The following DRD3 variants were observed in gnomAD, a reference collection of about 807,000 sequenced individuals.
DRD3 encodes dopamine receptor D3.
A neutral mutation model predicts 36.3 loss-of-function variants in DRD3; 19 were observed. The observed-to-expected ratio is 0.52, with a 90% CI of 0.36 to 0.77. The LOEUF (loss-of-function observed/expected upper bound fraction) is 0.77, where lower values mean the gene tolerates loss of function less well. DRD3 is among the 30% of genes least tolerant of loss of function. The probability of loss-of-function intolerance (pLI) is 0.00; values close to 1 mark genes in which losing one functional copy is unlikely to be tolerated. For missense variants in DRD3, 465 were observed against 505.3 expected (o/e 0.92, Z 0.77); for synonymous variants, 195 against 203.7 (o/e 0.96, Z 0.36).
chr3:114,171,416 A>G (rs977522177), intron 2 of DRD3, among the ~76,000 whole-genome samples: 2 of 152,132 alleles, frequency 1.3e-5, no homozygotes, highest in African/African-American at 4.8e-5. Context: ...TCATTGAGAC[A>G]TGTCTGGCAC....
intron 1 of DRD3, among the ~76,000 whole-genome samples, chr3:114,189,502 A>G (rs2077992772): frequency 1.3e-5 from 2 of 152,228 alleles, no homozygotes; most frequent in Admixed American, 1.3e-4. Context: ...CCATGATTTT[A>G]TGAATTCTAA....
intron 1 of DRD3, among the ~76,000 whole-genome samples, chr3:114,196,971 T>G (rs887114050): frequency 2.7e-5 from 4 of 150,498 alleles, no homozygotes; most frequent in Non-Finnish European, 5.9e-5. Flanking sequence ...TTTATTTTTA[T>G]TTTTTTCTTT....
intron 5 of DRD3, 34 bp downstream of exon 5, chr3:114,139,466 G>A (rs1386230252): frequency 1.9e-6 from 3 of 1,586,610 alleles, no homozygotes; most frequent in African/African-American, 2.7e-5. Flanking sequence ...GAGATTGGGT[G>A]TTGTCTTCCC....
At chr3:114,161,902 G>C (rs1160789879) in intron 2 of DRD3, among the ~76,000 whole-genome samples, 1 of 152,118 alleles carries the variant, frequency 6.6e-6, no homozygotes, top group Non-Finnish European at 1.5e-5. Flanking sequence ...GTTTTAAATT[G>C]GGTAAAAAAA....
At chr3:114,160,059 A>G (rs536144282) in intron 2 of DRD3, among the ~76,000 whole-genome samples, 192 bp from the exon 3 acceptor site, 5 of 152,276 alleles carry the variant, frequency 3.3e-5, no homozygotes, top group Non-Finnish European at 5.9e-5. Flanking sequence ...TAAAGAAAGG[A>G]CAAGTTCACA....
Position 114,128,631 on chromosome 3 carries a change from C to A in DRD3, c.*85G>T. On this transcript the variant is annotated 3_prime_UTR_variant, in exon 7 of 7. Coordinates refer to ENST00000383673, the MANE Select transcript of DRD3 (RefSeq NM_000796.6). ...CAGGAATCTTCTTCCTACTGCATGC[C>A]GGAGGACACTGCACAGTCTTTCTGA... The A allele has an allele frequency of 3.0e-6, 4 of 1,335,400 alleles. No individual in the cohort carries two copies. Among genetic ancestry groups the A allele is most frequent in the South Asian group, 1.8e-5 (1 of 55,908 alleles). 82.7% of individuals were successfully genotyped at this position (1,335,400 alleles called of 1,614,324 possible). A position where few individuals can be genotyped will look rare whatever the true frequency, so the allele number is the denominator to read the frequency against.
chr3:114,149,034 C>T (rs938738786), intron 3 of DRD3, among the ~76,000 whole-genome samples: 2 of 152,134 alleles, frequency 1.3e-5, no homozygotes, highest in Non-Finnish European at 2.9e-5. Context: ...TTCATTTAAT[C>T]TTTATTCAAT....
upstream of DRD3, among the ~76,000 whole-genome samples, chr3:114,184,012 T>C (rs947916377): frequency 1.3e-5 from 2 of 152,190 alleles, no homozygotes; most frequent in Non-Finnish European, 2.9e-5. Context: ...CTATTTGTTT[T>C]CTATATGCCT....
intron 3 of DRD3, among the ~76,000 whole-genome samples, chr3:114,155,674 C>T (rs1323309175): frequency 6.6e-5 from 10 of 151,822 alleles, no homozygotes; most frequent in Admixed American, 2.6e-4. Flanking sequence ...CACACCCTTG[C>T]GCAGGGAACA....
intron 3 of DRD3, among the ~76,000 whole-genome samples, chr3:114,153,789 G>T (rs1214871110): frequency 6.6e-6 from 1 of 151,298 alleles, no homozygotes; most frequent in Non-Finnish European, 1.5e-5. Context: ...GTGTGATCTC[G>T]GCAAGCTCAC....
intron 2 of DRD3, among the ~76,000 whole-genome samples, chr3:114,164,100 T>A (rs2077758677): frequency 6.6e-6 from 1 of 150,648 alleles, no homozygotes; most frequent in South Asian, 2.1e-4. Flanking sequence ...GGGCGCCTGT[T>A]ATCCTACCTA....
At chr3:114,189,801 CTGTGGCAATT>C (rs2077994396) in intron 1 of DRD3, among the ~76,000 whole-genome samples, 1 of 152,216 alleles carries the variant, frequency 6.6e-6, no homozygotes, top group African/African-American at 2.4e-5. Context: ...GAAGGTGACA[CTGTGGCAATT>C]GAATGACTCC....
At chr3:114,162,482 A>G (rs1265591592) in intron 2 of DRD3, among the ~76,000 whole-genome samples, 1 of 152,200 alleles carries the variant, frequency 6.6e-6, no homozygotes, top group Non-Finnish European at 1.5e-5. Flanking sequence ...CCAACCATGA[A>G]AATATATTCT....
At chr3:114,136,423 G>T (rs1559981871) in intron 5 of DRD3, among the ~76,000 whole-genome samples, 1 of 152,094 alleles carries the variant, frequency 6.6e-6, no homozygotes. Flanking sequence ...ATTCCTCTGG[G>T]TCTGGCTGGC....
chr3:114,196,730 G>A (rs1224444561), intron 1 of DRD3, among the ~76,000 whole-genome samples: 2 of 152,126 alleles, frequency 1.3e-5, no homozygotes, highest in African/African-American at 2.4e-5. Flanking sequence ...AATGAATAAC[G>A]ATGCTGGGCA....
chr3:114,195,559 A>G (rs2078032250), intron 1 of DRD3, among the ~76,000 whole-genome samples: 1 of 152,210 alleles, frequency 6.6e-6, no homozygotes, highest in Non-Finnish European at 1.5e-5. Context: ...TTATGTAATA[A>G]CAGAAGATGG....
intron 3 of DRD3, among the ~76,000 whole-genome samples, chr3:114,154,274 G>T (rs1340178684): frequency 6.6e-6 from 1 of 152,184 alleles, no homozygotes; most frequent in Non-Finnish European, 1.5e-5. Flanking sequence ...GAAGGTCTCA[G>T]TACCTTGCAG....
chr3:114,159,279 C>T (rs1384201376), intron 3 of DRD3, among the ~76,000 whole-genome samples: 1 of 151,778 alleles, frequency 6.6e-6, no homozygotes, highest in African/African-American at 2.4e-5. Flanking sequence ...TCCCCCACTT[C>T]TCTCCTCTCT....
At chr3:114,174,752 T>TG (rs2077881558) in intron 1 of DRD3, among the ~76,000 whole-genome samples, 1 of 151,454 alleles carries the variant, frequency 6.6e-6, no homozygotes, top group South Asian at 2.1e-4. Context: ...CTTAGATTTT[T>TG]TTTTTTTTTT....
Sources: gnomAD v4.1 joint callset for allele counts (sites outside exome capture counted in the v4.1 genomes callset) on GRCh38, gnomAD v4.1.1 for gene constraint, MANE v1.5 for transcripts, NCBI Gene and HGNC (gene_info 2026-07-23, HGNC 2026-07-21) for gene names.